The following TBC1D8B variants were observed in gnomAD, a reference collection of about 807,000 sequenced individuals.
TBC1D8B encodes the protein RP11-321G1.1.
A neutral mutation model predicts 82.9 loss-of-function variants in TBC1D8B; 75 were observed. The observed-to-expected ratio is 0.90, with a 90% confidence interval of 0.75 to 1.10. TBC1D8B has a LOEUF of 1.10. Ranked by LOEUF, TBC1D8B falls within the 50% of genes least tolerant of loss-of-function variation. The pLI, the probability that TBC1D8B is intolerant of heterozygous loss-of-function variation, is 0.00. For synonymous variants in TBC1D8B, 276 were observed against 276.8 expected (o/e 1.00, Z 0.03); for missense variants, 794 against 796.9 (o/e 1.00, Z 0.04).
chrX:106,839,416 G>A lies in TBC1D8B; in HGVS notation c.1312G>A (p.Val438Ile), dbSNP rs761141652. ...TGTGAACACTGAAGCCTTAATGACA[G>A]TATTTCACCCTCAGAATTTGGAGAC... ...KTVNTEALMT[V>I]FHPQNLETLN... The change falls in exon 8 of 21, where the codon GTA (valine) becomes ATA (isoleucine). Residue 438 changes from valine to isoleucine, a missense_variant. By Grantham distance (29) the Val-to-Ile change is conservative (BLOSUM62 3). Coordinates refer to ENST00000357242, the MANE Select transcript of TBC1D8B (RefSeq NM_017752.3). 2 of 1,174,416 alleles carry A rather than the reference G, an allele frequency of 1.7e-6. No individual in the cohort carries two copies. Among genetic ancestry groups the A allele is most frequent in the African/African-American group, 3.5e-5 (2 of 56,371 alleles).
intron 11 of TBC1D8B, chrX:106,849,722 G>T (rs1932546628): frequency 3.5e-6 from 3 of 859,945 alleles, no homozygotes; most frequent in East Asian, 5.1e-5. Context: ...TGTTATGCTA[G>T]ATATTAAACT....
intron 17 of TBC1D8B, among the ~76,000 whole-genome samples, chrX:106,868,060 TC>T (rs1932825406): frequency 9.1e-6 from 1 of 110,423 alleles, no homozygotes; most frequent in Non-Finnish European, 1.9e-5. Context: ...ATGGCTGAGG[TC>T]ACATTTTCAG....
At chrX:106,818,605 A>G (rs1187810423) in intron 1 of TBC1D8B, 58 bp from the exon 2 acceptor site, 3 of 882,479 alleles carry the variant, frequency 3.4e-6, no homozygotes, top group Non-Finnish European at 4.8e-6. Context: ...ATGAAGTGAT[A>G]CAGATTTGAT....
chrX:106,831,227 G>A (rs1320587145), intron 7 of TBC1D8B, among the ~76,000 whole-genome samples: 1 of 111,624 alleles, frequency 9.0e-6, no homozygotes, highest in African/African-American at 3.2e-5. Context: ...GCTATCTCCA[G>A]AGTAGAGATT....
intron 5 of TBC1D8B, among the ~76,000 whole-genome samples, chrX:106,825,037 C>A (rs1227824370): frequency 9.0e-6 from 1 of 110,898 alleles, no homozygotes. Context: ...TGCTTTTTTT[C>A]TCTTGTATCA....
At chrX:106,818,874 A>G in intron 2 of TBC1D8B, 101 bp downstream of exon 2, 2 of 624,477 alleles carry the variant, frequency 3.2e-6, no homozygotes, top group Non-Finnish European at 4.7e-6. Context: ...AGATTTAAAA[A>G]CAAATTAAAT....
At chrX:106,822,344 G>T in intron 4 of TBC1D8B, 142 bp downstream of exon 4, 1 of 496,071 alleles carries the variant, frequency 2.0e-6, no homozygotes, top group Non-Finnish European at 3.2e-6. Flanking sequence ...TTCATCTAGG[G>T]AAAGAACTCT....
chrX:106,875,521 T>G lies in TBC1D8B; in HGVS notation c.*1556T>G, dbSNP rs1206865299. On this transcript the variant is annotated 3_prime_UTR_variant, in exon 21 of 21. Coordinates refer to ENST00000357242, the MANE Select transcript of TBC1D8B (RefSeq NM_017752.3). ...TCTTTAAATTATTTAATCAACCTTG[T>G]CTTTTCAAGGAAATTACCACTTAAA... is the stretch of plus-strand genomic sequence containing the variant. 2 of 112,585 alleles carry G rather than the reference T, an allele frequency of 1.8e-5. No homozygotes were observed. The highest frequency in any genetic ancestry group is 3.8e-5 in the Non-Finnish European group (2 of 53,317). The allele number at this position is 112,585 out of a possible 1,213,427, so 9.3% of individuals were successfully genotyped here.
intron 20 of TBC1D8B, among the ~76,000 whole-genome samples, chrX:106,872,707 C>A (rs1010463646): frequency 9.1e-6 from 1 of 110,072 alleles, no homozygotes; most frequent in African/African-American, 3.3e-5. Flanking sequence ...GTGGCTCATG[C>A]CTGTAATCTG....
At chrX:106,845,119 G>A (rs1207717882) in intron 10 of TBC1D8B, among the ~76,000 whole-genome samples, 1 of 109,335 alleles carries the variant, frequency 9.1e-6, no homozygotes, top group East Asian at 2.9e-4. Context: ...TCTTGCTCTT[G>A]CACACTCTCA....
intron 7 of TBC1D8B, among the ~76,000 whole-genome samples, chrX:106,832,523 T>A (rs770649073): frequency 1.3e-4 from 14 of 111,141 alleles, no homozygotes; most frequent in Non-Finnish European, 2.1e-4. Context: ...GGCCTAAGAA[T>A]GGAAAGCACT....
intron 7 of TBC1D8B, among the ~76,000 whole-genome samples, chrX:106,831,217 G>T (rs1932038953): frequency 9.0e-6 from 1 of 111,389 alleles, no homozygotes; most frequent in Admixed American, 9.6e-5. Context: ...GCCTTTTACT[G>T]CTATCTCCAG....
intron 4 of TBC1D8B, among the ~76,000 whole-genome samples, chrX:106,822,443 A>G (rs1247868602): frequency 9.0e-6 from 1 of 111,391 alleles, no homozygotes; most frequent in Admixed American, 9.6e-5. Context: ...TTAAATGATG[A>G]TCTGGCATAT....
At chrX:106,830,008 A>G (rs1285854336) in intron 7 of TBC1D8B, 1 of 111,694 alleles carries the variant, frequency 9.0e-6, no homozygotes, top group Non-Finnish European at 1.9e-5. Context: ...TGAACAGGCA[A>G]CCTACAAAAT....
At chrX:106,839,555 C>T (rs1432116588) in intron 8 of TBC1D8B, 98 bp downstream of exon 8, 1 of 900,004 alleles carries the variant, frequency 1.1e-6, no homozygotes, top group East Asian at 3.4e-5. Flanking sequence ...GAAAACTCTT[C>T]TTTTGGGACT....
intron 14 of TBC1D8B, among the ~76,000 whole-genome samples, chrX:106,856,286 C>G (rs1265048444): frequency 9.0e-6 from 1 of 110,741 alleles, no homozygotes; most frequent in Non-Finnish European, 1.9e-5. Context: ...TTCCCCTAGT[C>G]TTATTATTTC....
At chrX:106,804,894 G>T (rs757177377) in intron 1 of TBC1D8B, among the ~76,000 whole-genome samples, 1 of 104,532 alleles carries the variant, frequency 9.6e-6, no homozygotes, top group Non-Finnish European at 2.0e-5. Flanking sequence ...GTCTCAAAAA[G>T]AAAAAAAAAA....
chrX:106,812,728 T>C (rs1931415168), intron 1 of TBC1D8B, among the ~76,000 whole-genome samples: 1 of 111,989 alleles, frequency 8.9e-6, no homozygotes, highest in African/African-American at 3.2e-5. Flanking sequence ...AAAAAAGAAA[T>C]GTTTATGAAA....
intron 17 of TBC1D8B, among the ~76,000 whole-genome samples, chrX:106,867,756 G>A (rs1406292771): frequency 4.5e-5 from 5 of 111,407 alleles, no homozygotes; most frequent in African/African-American, 1.3e-4. Context: ...CAGGATAGCC[G>A]GGAAACATTC....
Sources: allele counts gnomAD v4.1 joint callset (sites outside exome capture counted in the v4.1 genomes callset), GRCh38; gene constraint gnomAD v4.1.1; transcripts MANE v1.5; gene names NCBI Gene and HGNC (gene_info 2026-07-23, HGNC 2026-07-21).